The following ZFP64 variants were observed in gnomAD, a reference collection of about 807,000 sequenced individuals.
ZFP64 encodes zinc finger protein 64.
A neutral mutation model predicts 51.6 loss-of-function variants in ZFP64; 14 were observed. The ratio of observed to expected loss-of-function variants is 0.27; its 90% CI spans 0.18 to 0.42. ZFP64 has a LOEUF of 0.42. Among genes scored for constraint, ZFP64 ranks in the 10% least tolerant of loss-of-function variants. The probability of loss-of-function intolerance (pLI) is 1.00; values close to 1 mark genes in which losing one functional copy is unlikely to be tolerated. For synonymous variants in ZFP64, 375 were observed against 361.4 expected (o/e 1.04, Z -0.43); for missense variants, 754 against 906.8 (o/e 0.83, Z 2.16).
intron 5 of ZFP64, among the ~76,000 whole-genome samples, chr20:52,142,266 A>C (rs1339173124): frequency 6.6e-6 from 1 of 151,850 alleles, no homozygotes; most frequent in African/African-American, 2.4e-5. Flanking sequence ...CACATGGAAG[A>C]CTGAAGCAGG....
chr20:52,105,261 G>A lies in ZFP64; in HGVS notation c.764-6674C>T, dbSNP rs978525654. The A allele has an allele frequency of 1.2e-5, 16 of 1,329,746 alleles. No homozygotes were observed. The African/African-American group carries it at 1.8e-4, about 15-fold the overall frequency. The allele number at this position is 1,329,746 out of a possible 1,614,324, so 82.4% of individuals were successfully genotyped here. A position where few individuals can be genotyped will look rare whatever the true frequency, so the allele number is the denominator to read the frequency against. The stretch of plus-strand genomic sequence containing the variant: ...ATGGCGCGAGGACCGGGCTCCCCGC[G>A]CGTCCCTAGGAGTGGCCTACTTCAC... On this transcript the variant is annotated intron_variant, in intron 5 of 8. Transcript: ENST00000361387.
chr20:52,138,969 C>G (rs930785047), intron 5 of ZFP64, among the ~76,000 whole-genome samples: 8 of 152,202 alleles, frequency 5.3e-5, no homozygotes, highest in East Asian at 1.9e-4. Context: ...AAATATAAAT[C>G]AAAACCACAG....
At chr20:52,136,096 CAAAAAAAAAAAAAAAA>C (rs71192597) in intron 5 of ZFP64, among the ~76,000 whole-genome samples, 1 of 38,034 alleles carries the variant, frequency 2.6e-5, no homozygotes, top group Admixed American at 4.1e-4. Context: ...GAGACTCTCT[CAAAAAAAAAAAAAAAA>C]AAAAAAAAGA....
intron 5 of ZFP64, chr20:52,098,668 A>C (rs2079018468): frequency 3.2e-6 from 5 of 1,565,258 alleles, no homozygotes; most frequent in Non-Finnish European, 4.4e-6. Context: ...GTTTGGGCTT[A>C]TTTCACCTCC....
At chr20:52,123,173 T>G (rs1254037899) in intron 5 of ZFP64, among the ~76,000 whole-genome samples, 2 of 152,078 alleles carry the variant, frequency 1.3e-5, no homozygotes. Context: ...GTAATTGTAG[T>G]AGGGATGGGG....
At chr20:52,105,102 CCCGGGCGGGG>C in intron 5 of ZFP64, 1 of 1,394,734 alleles carries the variant, frequency 7.2e-7, no homozygotes, top group Non-Finnish European at 9.2e-7. Context: ...GCCCCCAGCC[CCCGGGCGGGG>C]CTCCAGCGGC....
In ZFP64 at chr20:52,089,172, C is replaced by T. The variant is rs1005453687; in HGVS notation, c.977-529G>A. ...TCCATCCAGCCATGTTTCATCACTA[C>T]CCCCTAGCCCAACCCTTCCAGGCTG... On this transcript the variant is annotated intron_variant, in intron 7 of 8. Transcript: ENST00000361387. The T allele has an allele frequency of 4.4e-4, 165 of 373,122 alleles. 2 individuals carry two copies. Among genetic ancestry groups the T allele is most frequent in the East Asian group, 2.2e-4 (3 of 13,778 alleles). The allele number at this position is 373,122 out of a possible 1,614,324, so 23.1% of individuals were successfully genotyped here. A position where few individuals can be genotyped will look rare whatever the true frequency, so the allele number is the denominator to read the frequency against.
At chr20:52,130,107 A>G (rs1979651725) in intron 5 of ZFP64, among the ~76,000 whole-genome samples, 1 of 152,138 alleles carries the variant, frequency 6.6e-6, no homozygotes, top group Non-Finnish European at 1.5e-5. Flanking sequence ...CTTAGGGAGA[A>G]CTACTCTGAC....
intron 5 of ZFP64, among the ~76,000 whole-genome samples, chr20:52,102,107 C>CCAAAAAAAAAAAAAAAAAA (rs551838560): frequency 3.3e-4 from 21 of 63,422 alleles, no homozygotes; most frequent in African/African-American, 1.4e-3. Flanking sequence ...ACTCCATCTC[C>CCAAAAAAAAAAAAAAAAAA]AAAAAAAAAA....
intron 4 of ZFP64, 85 bp downstream of exon 4, chr20:52,164,610 T>C (rs1982087783): frequency 8.9e-7 from 1 of 1,125,912 alleles, no homozygotes; most frequent in African/African-American, 1.6e-5. Flanking sequence ...TTTGGAGTGG[T>C]ATCATTCGTC....
chr20:52,169,846 G>C (rs1409958789), intron 2 of ZFP64, among the ~76,000 whole-genome samples: 1 of 152,096 alleles, frequency 6.6e-6, no homozygotes, highest in Non-Finnish European at 1.5e-5. Flanking sequence ...CCGAGGTCGG[G>C]AGTTTGAGAC....
chr20:52,088,335 A>G, intron 8 of ZFP64: 1 of 1,591,810 alleles, frequency 6.3e-7, no homozygotes, highest in Non-Finnish European at 8.5e-7. Flanking sequence ...TAAGTAAATG[A>G]AGGTTAAGAA....
chr20:52,091,086 T>C (rs2078921596), intron 7 of ZFP64, among the ~76,000 whole-genome samples: 1 of 152,076 alleles, frequency 6.6e-6, no homozygotes, highest in South Asian at 2.1e-4. Context: ...GAACAAGAAC[T>C]TGTCTCTATG....
In ZFP64 at chr20:52,115,160, C is replaced by T. The variant is rs1308749764; in HGVS notation, c.764-16573G>A. On this transcript the variant is annotated intron_variant, in intron 5 of 8. Transcript: ENST00000361387. ...CAGAGCTTGCAGTGAGCCAAGATCA[C>T]GCCACTGTACTCCAGCCTGGGTAAC... is the stretch of plus-strand genomic sequence containing the variant. 4.2e-5 allele frequency among the ~76,000 whole-genome samples: 6 copies of T among 143,724 alleles called. No homozygotes were observed. The East Asian group carries it at 8.2e-4, about 20-fold the overall frequency. 94.3% of individuals were successfully genotyped at this position (143,724 alleles called of 152,430 possible).
exon 6 of ZFP64, chr20:52,098,579 G>C: frequency 6.2e-7 from 1 of 1,614,072 alleles, no homozygotes; most frequent in Middle Eastern, 1.6e-4. Flanking sequence ...TCATCATCAA[G>C]TTCTGAAGCT....
At position 52,143,042 on chromosome 20, in the gene ZFP64, A is replaced by AT. The variant is rs1402987116; in HGVS notation, c.763+17080dup. 7.7e-5 allele frequency among the ~76,000 whole-genome samples: 11 copies of AT among 142,360 alleles called. 1 individual carries two copies. Among genetic ancestry groups the AT allele is most frequent in the Middle Eastern group, 3.7e-3 (1 of 268 alleles). 93.4% of individuals were successfully genotyped at this position (142,360 alleles called of 152,430 possible). The stretch of plus-strand genomic sequence containing the variant: ...GCTGAAGGCTCATATGATTGTCAGC[A>AT]TTTTTTTAGCAACATAGTATTTTTA... On this transcript the variant is annotated intron_variant, in intron 5 of 8. Transcript: ENST00000361387.
chr20:52,117,211 C>T (rs776132815), intron 5 of ZFP64, among the ~76,000 whole-genome samples: 12 of 152,274 alleles, frequency 7.9e-5, no homozygotes, highest in Non-Finnish European at 1.6e-4. Flanking sequence ...GGTGATTCTT[C>T]TATAGTTTAA....
intron 5 of ZFP64, among the ~76,000 whole-genome samples, chr20:52,107,626 G>C (rs1268866440): frequency 6.6e-6 from 1 of 152,210 alleles, no homozygotes; most frequent in African/African-American, 2.4e-5. Context: ...AAAAGGGTAT[G>C]TAATCTTCCA....
At chr20:52,143,273 C>A (rs1307769268) in intron 5 of ZFP64, among the ~76,000 whole-genome samples, 2 of 142,228 alleles carry the variant, frequency 1.4e-5, no homozygotes, top group African/African-American at 5.0e-5. Flanking sequence ...AGGAAACATA[C>A]CTTTATATAA....
Sources: allele counts gnomAD v4.1 joint callset (sites outside exome capture counted in the v4.1 genomes callset), GRCh38; gene constraint gnomAD v4.1.1; transcripts MANE v1.5; gene names NCBI Gene and HGNC (gene_info 2026-07-23, HGNC 2026-07-21).